The following CWC22 variants were observed in gnomAD, a reference collection of about 807,000 sequenced individuals.
CWC22 encodes the protein CWC22 spliceosome associated protein, also known as pre-mRNA-splicing factor CWC22 homolog.
CWC22 carries 53 observed loss-of-function variants against 117.2 expected under a neutral mutation model. The observed-to-expected ratio is 0.45, with a 90% CI of 0.36 to 0.57. The LOEUF is 0.57. Among genes scored for constraint, CWC22 ranks in the 20% least tolerant of loss-of-function variants. The pLI, the probability that CWC22 is intolerant of heterozygous loss-of-function variation, is 0.00. For synonymous variants in CWC22, 360 were observed against 355.6 expected, an observed-to-expected ratio of 1.01 and a Z score of -0.14; for missense variants, 980 against 1,068.8, an observed-to-expected ratio of 0.92 and a Z score of 1.16.
intron 1 of CWC22, among the ~76,000 whole-genome samples, chr2:180,002,663 A>G (rs556312902): frequency 1.3e-4 from 20 of 152,248 alleles, no homozygotes; most frequent in Middle Eastern, 6.8e-3. Context: ...TGCTACAACA[A>G]TGTCATAAAC....
rs1237382409 is a variant in CWC22 at position 179,996,251 on chromosome 2, G to A, written c.-113-2797C>T. Reference sequence around the variant, plus strand: ...AATCAAAACAGATCAATGCTGAGATGATCCAGATCCTGGAATTAGTATATA... The same window carrying A: ...AATCAAAACAGATCAATGCTGAGATAATCCAGATCCTGGAATTAGTATATA... On this transcript the variant is annotated intron_variant, in intron 1 of 19. Transcript: ENST00000410053. Among the ~76,000 whole-genome samples the A allele has an allele frequency of 2.6e-5, 4 of 152,136 alleles. No individual in the cohort carries two copies. The East Asian group carries it at 7.7e-4, about 29-fold the overall frequency.
intron 12 of CWC22, among the ~76,000 whole-genome samples, chr2:179,965,042 C>T (rs1377851392): frequency 6.6e-6 from 1 of 151,720 alleles, no homozygotes; most frequent in Non-Finnish European, 1.5e-5. Context: ...CTGGATGAGT[C>T]CAACATAAAT....
intron 2 of CWC22, among the ~76,000 whole-genome samples, chr2:179,990,609 G>C (rs1029515197): frequency 4.6e-5 from 7 of 151,978 alleles, no homozygotes; most frequent in African/African-American, 9.7e-5. Flanking sequence ...GGAGAGGAGA[G>C]AGGAGAAGAC....
At chr2:179,965,801 A>T in intron 12 of CWC22, 77 bp downstream of exon 12, 1 of 1,184,420 alleles carries the variant, frequency 8.4e-7, no homozygotes. Context: ...AAGATTGAGA[A>T]CTATTGTTTT....
intron 13 of CWC22, among the ~76,000 whole-genome samples, chr2:179,961,912 G>C (rs959690565): frequency 2.0e-5 from 3 of 152,000 alleles, no homozygotes; most frequent in Admixed American, 2.0e-4. Context: ...ATTGAGGAGA[G>C]GGTAAAGAAA....
chr2:179,977,615 C>T (rs1265556685), intron 6 of CWC22, among the ~76,000 whole-genome samples: 1 of 152,074 alleles, frequency 6.6e-6, no homozygotes, highest in Non-Finnish European at 1.5e-5. Flanking sequence ...TTCAGTTAGA[C>T]AGGAGGAATA....
chr2:179,996,602 T>G (rs564589444), intron 1 of CWC22, among the ~76,000 whole-genome samples: 1 of 151,924 alleles, frequency 6.6e-6, no homozygotes, highest in African/African-American at 2.4e-5. Context: ...AAAAAGTGGA[T>G]CTCATGAAGA....
chr2:179,999,686 T>C (rs548149590), intron 1 of CWC22, among the ~76,000 whole-genome samples: 16 of 152,294 alleles, frequency 1.1e-4, no homozygotes, highest in Admixed American at 1.3e-4. Context: ...CTGAAACATA[T>C]TGTCATAAAA....
At chr2:179,980,481 G>C (rs1024593153) in intron 5 of CWC22, among the ~76,000 whole-genome samples, 6 of 148,180 alleles carry the variant, frequency 4.0e-5, no homozygotes, top group Admixed American at 1.4e-4. Flanking sequence ...GCAGTGGTGC[G>C]ATCTCGGCTC....
rs1015222499 is a variant in CWC22, at chr2:179,959,092, T to C, written c.1398-10A>G. On this transcript the variant is annotated splice_polypyrimidine_tract_variant and intron_variant, in intron 13 of 19. Transcript: ENST00000410053. ...TTCTTCAAAATCTAAACTGTGGAAA[T>C]GATCACAATAGGTTAAAAGCTTGCA... The C allele has an allele frequency of 6.5e-7, 1 of 1,550,142 alleles. No individual in the cohort carries two copies. The highest frequency in any genetic ancestry group is 8.8e-7 in the Non-Finnish European group (1 of 1,140,226).
chr2:179,993,901 G>A (rs919711928), intron 1 of CWC22, among the ~76,000 whole-genome samples: 1 of 152,028 alleles, frequency 6.6e-6, no homozygotes, highest in Non-Finnish European at 1.5e-5. Context: ...CAATATCCTT[G>A]CAATAATGAT....
chr2:179,986,388 T>A lies in CWC22; in HGVS notation c.206+307A>T, dbSNP rs185700159. 1.8e-4 allele frequency among the ~76,000 whole-genome samples: 27 copies of A among 152,254 alleles called. No homozygotes were observed. In the East Asian group the frequency reaches 4.8e-3, roughly 27 times the overall value. On this transcript the variant is annotated intron_variant, in intron 4 of 19. Transcript: ENST00000410053. ...CAACCCCTCTTGCGGTACAATACAA[T>A]GAATGAGCTTGGGCTTTAGAGTCAG...
In CWC22 at chr2:179,970,678, C is replaced by A. The variant is rs748606301; in HGVS notation, c.1119G>T (p.Glu373Asp). 1.9e-6 allele frequency: 3 copies of A among 1,613,496 alleles called. No homozygotes were observed. The highest frequency in any genetic ancestry group is 2.5e-6 in the Non-Finnish European group (3 of 1,179,618). The change falls in exon 10 of 20, where the codon GAG (glutamate) becomes GAT (aspartate). Residue 373 changes from glutamate (E) to aspartate (D), a missense_variant. By Grantham distance (45) the Glu-to-Asp change is conservative (BLOSUM62 2). Around this residue, in one of 3 missense-constraint regions of CWC22, gnomAD observed 559 missense variants for 602.3 expected, o/e 0.93. Transcript: ENST00000410053. The stretch of plus-strand genomic sequence containing the variant: ...GAACATCTTCTGGATTATAGTCATC[C>A]TCCAGAGGGAGCATATGAGTGAATT... The part of the protein sequence containing the change: ...DDQFTHMLPL[E>D]DDYNPEDVLN...
At chr2:179,989,051 A>T (rs2105550173) in intron 2 of CWC22, among the ~76,000 whole-genome samples, 1 of 151,988 alleles carries the variant, frequency 6.6e-6, no homozygotes, top group South Asian at 2.1e-4. Flanking sequence ...CCCAATGTGT[A>T]GTCTTTTATC....
At chr2:179,972,504 G>A (rs185987767) in intron 8 of CWC22, among the ~76,000 whole-genome samples, 29 of 152,210 alleles carry the variant, frequency 1.9e-4, no homozygotes, top group African/African-American at 6.5e-4. Flanking sequence ...AAGGAATAGA[G>A]GTTTTTGTAG....
At chr2:180,004,085 G>A (rs924272556) in intron 1 of CWC22, among the ~76,000 whole-genome samples, 4 of 152,096 alleles carry the variant, frequency 2.6e-5, no homozygotes, top group African/African-American at 9.7e-5. Flanking sequence ...AGGGAAATTC[G>A]ACAAGGGAGG....
chr2:179,965,226 G>A (rs72958900), intron 12 of CWC22, among the ~76,000 whole-genome samples: 5,402 of 152,230 alleles, frequency 0.035, 126 homozygotes, highest in Non-Finnish European at 0.056. Context: ...AAGAAGAATT[G>A]TACTATAAGA....
chr2:179,998,126 C>T (rs1230987246), intron 1 of CWC22, among the ~76,000 whole-genome samples: 3 of 152,140 alleles, frequency 2.0e-5, no homozygotes, highest in Admixed American at 6.5e-5. Flanking sequence ...CCCCAAGTCT[C>T]CTCAGCTTTT....
intron 6 of CWC22, among the ~76,000 whole-genome samples, chr2:179,974,544 T>C (rs1199154879): frequency 6.6e-6 from 1 of 152,256 alleles, no homozygotes; most frequent in South Asian, 2.1e-4. Flanking sequence ...TAGTTTTAGA[T>C]ATGACAACTG....
Sources: gnomAD v4.1 joint callset for allele counts (sites outside exome capture counted in the v4.1 genomes callset) on GRCh38, gnomAD v4.1.1 for gene constraint, gnomAD v4.1.1 regional missense constraint, MANE v1.5 for transcripts, NCBI Gene and HGNC (gene_info 2026-07-23, HGNC 2026-07-21) for gene names.